TNC: variants seen among roughly 807,000 people sequenced by gnomAD.
TNC encodes the protein tenascin C.
In TNC, 109 loss-of-function variants were observed where a neutral mutation model predicts 202.4. The ratio of observed to expected loss-of-function variants is 0.54; its 90% CI spans 0.46 to 0.63. The LOEUF (loss-of-function observed/expected upper bound fraction) is 0.63, where lower values mean the gene tolerates loss of function less well. TNC is among the 30% of genes least tolerant of loss of function. TNC has a pLI of 0.00. For synonymous variants in TNC, 1,007 were observed against 1,089.7 expected (o/e 0.92, Z 1.50); for missense variants, 2,756 against 2,833.3 (o/e 0.97, Z 0.62).
intron 19 of TNC, 23 bp downstream of exon 19, chr9:115,040,918 C>CACAA: frequency 6.2e-7 from 1 of 1,603,240 alleles, no homozygotes; most frequent in South Asian, 1.1e-5. Context: ...CACACACACA[C>CACAA]ACACACAACC....
intron 18 of TNC, among the ~76,000 whole-genome samples, chr9:115,041,961 A>G (rs1236563659): frequency 1.3e-5 from 2 of 152,246 alleles, no homozygotes; most frequent in Non-Finnish European, 2.9e-5. Context: ...AAACAATACT[A>G]GAGATCTATT....
chr9:115,054,325 C>T (rs956254698), intron 15 of TNC, among the ~76,000 whole-genome samples: 7 of 152,214 alleles, frequency 4.6e-5, no homozygotes, highest in South Asian at 2.1e-4. Flanking sequence ...TTAGCATTGA[C>T]ATGGGATATC....
intron 1 of TNC, among the ~76,000 whole-genome samples, chr9:115,093,114 T>C (rs189972591): frequency 9.2e-5 from 14 of 152,246 alleles, no homozygotes; most frequent in Non-Finnish European, 7.4e-5. Context: ...CAGAAAGCCT[T>C]TGCAAAACTT....
At chr9:115,116,503 G>A (rs1042003391) in intron 1 of TNC, among the ~76,000 whole-genome samples, 12 of 152,294 alleles carry the variant, frequency 7.9e-5, no homozygotes, top group African/African-American at 2.6e-4. Context: ...GCCTGGCTGG[G>A]ATGGATAGTA....
chr9:115,052,029 T>C (rs932954425), intron 15 of TNC, among the ~76,000 whole-genome samples: 1 of 150,226 alleles, frequency 6.7e-6, no homozygotes, highest in Admixed American at 6.7e-5. Context: ...GGTGTATAGA[T>C]AGATCATATT....
intron 20 of TNC, 131 bp downstream of exon 20, chr9:115,038,130 C>A: frequency 8.0e-7 from 1 of 1,245,968 alleles, no homozygotes; most frequent in Non-Finnish European, 1.1e-6. Context: ...ATGAACATTA[C>A]TGGCCTTTTC....
rs762995780 is a variant in TNC at position 115,073,828 on chromosome 9, C to A, written c.2989G>T (p.Ala997Ser). ...TPKDLQVSET[A>S]ETSLTLLWKT... ...CAGAGCAGGGTCAGGCTGGTCTCTGCAGTTTCAGAAACCTGAAGGTCCTTG... is the reference window on the plus strand; with the variant it reads ...CAGAGCAGGGTCAGGCTGGTCTCTGAAGTTTCAGAAACCTGAAGGTCCTTG... Residue 997 changes from alanine (A) to serine (S), a missense_variant, in exon 10 of 28, where the codon GCA (alanine) becomes TCA (serine). Transcript: ENST00000350763. 5 of 1,613,238 alleles carry A rather than the reference C, an allele frequency of 3.1e-6. No homozygotes were observed. In the South Asian group the frequency reaches 5.5e-5, roughly 18 times the overall value.
intron 1 of TNC, among the ~76,000 whole-genome samples, chr9:115,109,858 T>A (rs1836906657): frequency 6.6e-6 from 1 of 152,222 alleles, no homozygotes; most frequent in Non-Finnish European, 1.5e-5. Flanking sequence ...CTTCAAGCTC[T>A]GGGCTTTCTG....
intron 14 of TNC, 113 bp downstream of exon 14, chr9:115,059,617 T>C (rs1832389122): frequency 8.3e-7 from 1 of 1,198,306 alleles, no homozygotes; most frequent in Non-Finnish European, 1.2e-6. Flanking sequence ...AGCCGGCCAC[T>C]GAAAGGCACA....
intron 15 of TNC, among the ~76,000 whole-genome samples, chr9:115,050,165 A>G (rs2132235443): frequency 6.6e-6 from 1 of 152,332 alleles, no homozygotes; most frequent in Middle Eastern, 3.4e-3. Context: ...ACACCATCAA[A>G]GCAGTGAATT....
chr9:115,055,451 G>A (rs1474867383), intron 15 of TNC: 1 of 152,568 alleles, frequency 6.6e-6, no homozygotes, highest in African/African-American at 2.4e-5. Context: ...TCAATGAAGA[G>A]TGAAGAAGCC....
chr9:115,022,763 C>A (rs1457240311), intron 27 of TNC, among the ~76,000 whole-genome samples: 1 of 152,024 alleles, frequency 6.6e-6, no homozygotes, highest in Non-Finnish European at 1.5e-5. Flanking sequence ...CATGAAAAAC[C>A]ACATCCTAAT....
chr9:115,048,200 G>A, intron 16 of TNC, 60 bp downstream of exon 16: 1 of 1,574,912 alleles, frequency 6.3e-7, no homozygotes, highest in African/African-American at 1.4e-5. Flanking sequence ...CGATCCGGTA[G>A]ACAGATTACA....
chr9:115,086,422 G>C lies in TNC; in HGVS notation c.1309C>G (p.Leu437Val), dbSNP rs1484676375. The change falls in exon 3 of 28, where the codon CTA becomes GTA. Residue 437 changes from leucine (L) to valine (V), a missense_variant. Coordinates refer to ENST00000350763, the MANE Select transcript of TNC (RefSeq NM_002160.4). ...CTGTGACAGTCATTGGGGCACCGTA[G>C]CTGGCTGCAGTCCTCCCCAGTATAG... is the stretch of plus-strand genomic sequence containing the variant. ...EGYTGEDCSQ[L>V]RCPNDCHSRG... The C allele has an allele frequency of 1.9e-5, 30 of 1,613,852 alleles. No individual in the cohort carries two copies. The highest frequency in any genetic ancestry group is 2.5e-5 in the Non-Finnish European group (30 of 1,179,956).
chr9:115,067,653 T>C (rs985347012), intron 10 of TNC, among the ~76,000 whole-genome samples: 3 of 152,176 alleles, frequency 2.0e-5, no homozygotes, highest in African/African-American at 2.4e-5. Context: ...AATCATCTTA[T>C]CTCTTTGAAT....
Position 115,026,684 on chromosome 9 carries a change from G to C in TNC, c.6181C>G (p.Leu2061Val). 5 of 1,613,832 alleles carry C rather than the reference G, an allele frequency of 3.1e-6. No homozygotes were observed. The highest frequency in any genetic ancestry group is 4.2e-6 in the Non-Finnish European group (5 of 1,179,928). ...TGCCCCTGGGCTGTGATTTTGTTCA[G>C]GTTGTCCAGCCCTGTGGATGACAGG... is the stretch of plus-strand genomic sequence containing the variant. Reference protein sequence around the residue: ...REEFWLGLDNLNKITAQGQYE... With the variant: ...REEFWLGLDNVNKITAQGQYE... Residue 2061 changes from leucine (L) to valine (V), a missense_variant, in exon 26 of 28, where the codon CTG (leucine) becomes GTG (valine). By Grantham distance (32) the Leu-to-Val change is conservative. Coordinates refer to ENST00000350763, the MANE Select transcript of TNC (RefSeq NM_002160.4).
In TNC at chr9:115,090,827, A is replaced by G; in HGVS notation, c.192T>C (p.Cys64=). The G allele has an allele frequency of 6.2e-7, 1 of 1,614,172 alleles. No individual in the cohort carries two copies. ...YNIKLPVGSQ[C]SVDLESASGE... is the part of the protein sequence containing the mutation. ...CACTGGCTGACTCCAGATCCACCGA[A>G]CACTGGGATCCCACTGGCAGCTTGA... Residue 64 remains cysteine (C), a synonymous_variant, in exon 2 of 28, where the codon TGT becomes TGC. Coordinates refer to ENST00000350763, the MANE Select transcript of TNC (RefSeq NM_002160.4).
At position 115,111,399 on chromosome 9, in the gene TNC, C is replaced by CTTTTT. The variant is rs71375272; in HGVS notation, c.-137+6578_-137+6582dup. 9.3e-4 allele frequency among the ~76,000 whole-genome samples: 66 copies of CTTTTT among 71,344 alleles called. 2 individuals are homozygous for CTTTTT. Among genetic ancestry groups the CTTTTT allele is most frequent in the South Asian group, 1.6e-3 (2 of 1,244 alleles). The allele number at this position is 71,344 out of a possible 152,430, so 46.8% of individuals were successfully genotyped here. On this transcript the variant is annotated intron_variant, in intron 1 of 27. Transcript: ENST00000350763. ...GCTTATAGACTTTCTCTCTCTCTCT[C>CTTTTT]TTTTTTTTTTTTTTTTTTTTTTTTT...
chr9:115,091,789 C>T (rs1260860003), intron 1 of TNC, among the ~76,000 whole-genome samples: 1 of 152,208 alleles, frequency 6.6e-6, no homozygotes, highest in African/African-American at 2.4e-5. Context: ...AGTTATATGA[C>T]TGTCAGTATA....
Sources: allele counts gnomAD v4.1 joint callset (sites outside exome capture counted in the v4.1 genomes callset), GRCh38; gene constraint gnomAD v4.1.1; transcripts MANE v1.5; gene names NCBI Gene and HGNC (gene_info 2026-07-23, HGNC 2026-07-21).